The following TP53BP1 variants were observed in gnomAD, a reference collection of about 807,000 sequenced individuals.
The protein encoded by TP53BP1 is TP53-binding protein 1.
TP53BP1 carries 61 observed loss-of-function variants against 200.8 expected under a neutral mutation model. The ratio of observed to expected loss-of-function variants is 0.30; its 90% confidence interval spans 0.25 to 0.38. The LOEUF is 0.38. Among genes scored for constraint, TP53BP1 ranks in the 10% least tolerant of loss-of-function variants. The pLI, the probability that TP53BP1 is intolerant of heterozygous loss-of-function variation, is 1.00. For missense variants in TP53BP1, 2,144 were observed against 2,371.9 expected (o/e 0.90, Z 2.00); for synonymous variants, 822 against 844.3 (o/e 0.97, Z 0.46).
At chr15:43,451,407 T>G (rs1400013628) in intron 12 of TP53BP1, among the ~76,000 whole-genome samples, 2 of 151,908 alleles carry the variant, frequency 1.3e-5, no homozygotes, top group African/African-American at 4.8e-5. Context: ...ATTGTTCTAT[T>G]CCCATCTATG....
intron 16 of TP53BP1, among the ~76,000 whole-genome samples, chr15:43,437,527 G>A (rs2045826055): frequency 6.6e-6 from 1 of 151,558 alleles, no homozygotes; most frequent in Non-Finnish European, 1.5e-5. Context: ...AGCTACTTGG[G>A]AGGCTGAAGC....
At chr15:43,429,881 A>G (rs2142997036) in intron 17 of TP53BP1, among the ~76,000 whole-genome samples, 1 of 152,304 alleles carries the variant, frequency 6.6e-6, no homozygotes, top group African/African-American at 2.4e-5. Flanking sequence ...ACTATTCCGC[A>G]CTAAAGAGAA....
Position 43,457,225 on chromosome 15 carries a change from A to C in TP53BP1, c.1390-7T>G. Reference sequence around the variant, plus strand: ...GGGAAGGAATAAAAATGTCCTAAGGAAGAACAGAAAGAGACAAATTGTAAT... The same window carrying C: ...GGGAAGGAATAAAAATGTCCTAAGGCAGAACAGAAAGAGACAAATTGTAAT... On this transcript the variant is annotated splice_polypyrimidine_tract_variant and splice_region_variant and intron_variant, in intron 11 of 27. Coordinates refer to ENST00000382044, the MANE Select transcript of TP53BP1 (RefSeq NM_001141980.3). The C allele has an allele frequency of 6.4e-7, 1 of 1,573,840 alleles. No individual in the cohort carries two copies. The highest frequency in any genetic ancestry group is 8.6e-7 in the Non-Finnish European group (1 of 1,163,072).
intron 8 of TP53BP1, among the ~76,000 whole-genome samples, chr15:43,476,264 C>A (rs754859120): frequency 6.3e-4 from 96 of 152,002 alleles, no homozygotes; most frequent in Non-Finnish European, 1.0e-3. Context: ...GACTCCGTCT[C>A]AAAAAAATAA....
Position 43,403,668 on chromosome 15 carries a change from C to G in TP53BP1, c.*3715G>C. On this transcript the variant is annotated 3_prime_UTR_variant, in exon 28 of 28. Coordinates refer to ENST00000382044, the MANE Select transcript of TP53BP1 (RefSeq NM_001141980.3). ...CTTCCTTCCTTTCCTAATGCCAACT[C>G]TGTTTCCCGGGTAGGTGTTTCACTG... 2 of 1,590,632 alleles carry G rather than the reference C, an allele frequency of 1.3e-6. No homozygotes were observed. The highest frequency in any genetic ancestry group is 2.2e-5 in the South Asian group (2 of 90,282).
chr15:43,495,546 G>A (rs1234127676), upstream of TP53BP1, among the ~76,000 whole-genome samples: 6 of 128,218 alleles, frequency 4.7e-5, no homozygotes, highest in African/African-American at 1.5e-4. Context: ...AGCCAGGTGC[G>A]GTAGCTCACG....
intron 10 of TP53BP1, 85 bp downstream of exon 10, chr15:43,474,588 A>G: frequency 1.1e-6 from 1 of 871,892 alleles, no homozygotes; most frequent in Non-Finnish European, 1.8e-6. Context: ...ATTCTAAAGT[A>G]CAAAGAAGTA....
chr15:43,461,338 GC>G (rs1339735472), intron 11 of TP53BP1, among the ~76,000 whole-genome samples: 2 of 151,792 alleles, frequency 1.3e-5, no homozygotes, highest in Non-Finnish European at 2.9e-5. Context: ...TCTTACCTCA[GC>G]CTCCCGAGTA....
intron 11 of TP53BP1, among the ~76,000 whole-genome samples, chr15:43,459,407 CT>C (rs2046377612): frequency 6.6e-6 from 1 of 152,124 alleles, no homozygotes; most frequent in South Asian, 2.1e-4. Context: ...CATATATTCA[CT>C]CATATAATGG....
chr15:43,498,414 A>G (rs2079192410), intron 1 of TP53BP1, among the ~76,000 whole-genome samples: 1 of 152,262 alleles, frequency 6.6e-6, no homozygotes, highest in Non-Finnish European at 1.5e-5. Context: ...CTGAGGATAT[A>G]TCACACTTTA....
chr15:43,409,835 C>T (rs2142945616), intron 24 of TP53BP1, 94 bp from the exon 25 acceptor site: 4 of 578,544 alleles, frequency 6.9e-6, no homozygotes, highest in Middle Eastern at 9.4e-4. Flanking sequence ...TTTCCACTCC[C>T]CAGCTATCCA....
intron 11 of TP53BP1, among the ~76,000 whole-genome samples, chr15:43,462,148 A>G (rs2046450115): frequency 1.4e-5 from 2 of 143,418 alleles, no homozygotes; most frequent in Admixed American, 1.4e-4. Flanking sequence ...CCTGACCAAC[A>G]AGGTGAAACC....
At chr15:43,438,585 T>C (rs1452217767) in intron 15 of TP53BP1, among the ~76,000 whole-genome samples, 169 bp from the exon 16 acceptor site, 2 of 152,028 alleles carry the variant, frequency 1.3e-5, no homozygotes, top group African/African-American at 4.8e-5. Flanking sequence ...TTAGCATAAT[T>C]TAAAATTCTC....
rs371505782 is a variant in TP53BP1, at chr15:43,502,841, T to C, written c.-9+7529A>G. On this transcript the variant is annotated intron_variant, in intron 1 of 27. Transcript: ENST00000263801. ...CATGATCTCAGCTCACTGCAACCTC[T>C]GTCTCCCGGGTTCAAGCGATTCTTG... Among the ~76,000 whole-genome samples the C allele has an allele frequency of 3.2e-4, 48 of 151,952 alleles. No individual in the cohort carries two copies. In the East Asian group the frequency reaches 8.9e-3, roughly 28 times the overall value.
intron 1 of TP53BP1, among the ~76,000 whole-genome samples, chr15:43,502,743 G>T (rs1287209310): frequency 6.6e-6 from 1 of 151,548 alleles, no homozygotes; most frequent in East Asian, 1.9e-4. Context: ...ACACGCGTGA[G>T]CCACCGTGCC....
chr15:43,489,317 A>C (rs2079089189), intron 4 of TP53BP1, among the ~76,000 whole-genome samples: 1 of 152,226 alleles, frequency 6.6e-6, no homozygotes, highest in Non-Finnish European at 1.5e-5. Context: ...AGTAGCATGA[A>C]ACTTCTCAAA....
chr15:43,440,342 T>C (rs1230844812), intron 15 of TP53BP1, among the ~76,000 whole-genome samples: 2 of 151,788 alleles, frequency 1.3e-5, no homozygotes, highest in African/African-American at 2.4e-5. Context: ...AAACCCCGTC[T>C]CCACTAAAAA....
intron 16 of TP53BP1, 28 bp from the exon 17 acceptor site, chr15:43,432,705 T>C: frequency 6.3e-7 from 1 of 1,578,228 alleles, no homozygotes; most frequent in Non-Finnish European, 8.6e-7. Flanking sequence ...AAAGAAGCCA[T>C]GTCAATTAAG....
In TP53BP1 at chr15:43,420,390, C is replaced by T; in HGVS notation, c.4596G>A (p.Val1532=). 6.2e-7 allele frequency: 1 copy of T among 1,614,160 alleles called. No individual in the cohort carries two copies. Among genetic ancestry groups the T allele is most frequent in the Non-Finnish European group, 8.5e-7 (1 of 1,180,040 alleles). ...CACATAACAGAATGTCTTTGCCCAA[C>T]ACATCACATTCGTACCCATCATCAA... is the stretch of plus-strand genomic sequence containing the variant. The part of the protein sequence containing the change: ...LLFDDGYECD[V]LGKDILLCDP... The change falls in exon 21 of 28, where the codon GTG becomes GTA. Residue 1532 remains valine, a synonymous_variant. Coordinates refer to ENST00000382044, the MANE Select transcript of TP53BP1 (RefSeq NM_001141980.3).
Sources: allele counts gnomAD v4.1 joint callset (sites outside exome capture counted in the v4.1 genomes callset), GRCh38; gene constraint gnomAD v4.1.1; transcripts MANE v1.5; gene names NCBI Gene and HGNC (gene_info 2026-07-23, HGNC 2026-07-21).